The following TTLL9 variants were observed in gnomAD, a reference collection of about 807,000 sequenced individuals.
The protein encoded by TTLL9 is probable tubulin polyglutamylase TTLL9.
TTLL9 carries 47 observed loss-of-function variants against 65.6 expected under a neutral mutation model. The ratio of observed to expected loss-of-function variants is 0.72; its 90% CI spans 0.57 to 0.91. TTLL9 has a LOEUF of 0.91. TTLL9 is among the 40% of genes least tolerant of loss of function. TTLL9 has a pLI of 0.00. For missense variants in TTLL9, 537 were observed against 568.8 expected, an observed-to-expected ratio of 0.94 and a Z score of 0.57; for synonymous variants, 179 against 204.8, an observed-to-expected ratio of 0.87 and a Z score of 1.07.
At position 31,937,119 on chromosome 20, in the gene TTLL9, T is replaced by A. The variant is rs983192189; in HGVS notation, c.1005-277T>A. Among the ~76,000 whole-genome samples the A allele has an allele frequency of 1.7e-4, 20 of 119,320 alleles. 1 individual carries two copies. The South Asian group carries it at 4.6e-3, about 28-fold the overall frequency. The allele number at this position is 119,320 out of a possible 152,430, so 78.3% of individuals were successfully genotyped here. A position where few individuals can be genotyped will look rare whatever the true frequency, so the allele number is the denominator to read the frequency against. ...CTCTCCAAAAAAAAAAAAAAAAAAG[T>A]GGGAGGGGCCTGGGCACAGTGGCTC... On this transcript the variant is annotated intron_variant, in intron 12 of 14. Coordinates refer to ENST00000535842, the MANE Select transcript of TTLL9 (RefSeq NM_001008409.5).
chr20:31,914,393 C>T (rs2063702303), intron 6 of TTLL9, among the ~76,000 whole-genome samples: 1 of 152,140 alleles, frequency 6.6e-6, no homozygotes, highest in African/African-American at 2.4e-5. Flanking sequence ...TGGCGTACAA[C>T]AAGCTGTGCG....
intron 6 of TTLL9, among the ~76,000 whole-genome samples, chr20:31,919,294 G>A (rs116624414): frequency 6.6e-6 from 1 of 152,164 alleles, no homozygotes; most frequent in South Asian, 2.1e-4. Flanking sequence ...AAAATGGGCT[G>A]TTTGGCATTG....
chr20:31,915,584 G>A (rs1333763857), intron 6 of TTLL9, among the ~76,000 whole-genome samples: 3 of 152,130 alleles, frequency 2.0e-5, no homozygotes, highest in Admixed American at 6.5e-5. Context: ...GTGTATCCCC[G>A]GCACTTTTCA....
chr20:31,890,201 C>CTTTCTTTCTTTCTTTCTTTCTTTCTT (rs1555810317), intron 3 of TTLL9, among the ~76,000 whole-genome samples: 1 of 64,978 alleles, frequency 1.5e-5, no homozygotes, highest in Non-Finnish European at 3.2e-5. Context: ...TTCTTTCTTT[C>CTTTCTTTCTTTCTTTCTTTCTTTCTT]TCTTTCTTTC....
chr20:31,908,839 G>C (rs1358450527), intron 5 of TTLL9, 137 bp downstream of exon 5: 2 of 717,488 alleles, frequency 2.8e-6, no homozygotes, highest in Non-Finnish European at 4.9e-6. Flanking sequence ...CTGCGGGCTA[G>C]ACCTATGGAG....
chr20:31,890,542 G>A (rs1344256388), intron 3 of TTLL9, among the ~76,000 whole-genome samples: 1 of 152,168 alleles, frequency 6.6e-6, no homozygotes, highest in South Asian at 2.1e-4. Context: ...TGACCCTGAG[G>A]GAAGGATGTG....
chr20:31,910,086 A>G (rs573487430), intron 6 of TTLL9, among the ~76,000 whole-genome samples, 164 bp downstream of exon 6: 2 of 152,318 alleles, frequency 1.3e-5, no homozygotes, highest in South Asian at 2.1e-4. Context: ...CCCAGCAGCT[A>G]TGACTGCCAG....
At chr20:31,873,006 AC>A (rs778279611) in intron 2 of TTLL9, 1 of 518,470 alleles carries the variant, frequency 1.9e-6, no homozygotes, top group Non-Finnish European at 3.9e-6. Flanking sequence ...CCCCTCACTG[AC>A]CCTTTCCTTT....
intron 14 of TTLL9, chr20:31,940,855 A>G (rs2064192768): frequency 6.6e-6 from 1 of 152,206 alleles, no homozygotes; most frequent in Non-Finnish European, 1.5e-5. Context: ...CCGGACTCAG[A>G]AGTCCCATAA....
At chr20:31,882,228 T>C (rs779237532) in intron 2 of TTLL9, among the ~76,000 whole-genome samples, 12 of 152,170 alleles carry the variant, frequency 7.9e-5, no homozygotes, top group South Asian at 4.1e-4. Flanking sequence ...CAGCTCTGAG[T>C]TGTGCTGGGA....
At chr20:31,884,305 A>C (rs2063158167) in intron 2 of TTLL9, among the ~76,000 whole-genome samples, 1 of 152,140 alleles carries the variant, frequency 6.6e-6, no homozygotes, top group Non-Finnish European at 1.5e-5. Context: ...AGCTCACTGC[A>C]ACCTCCGCCT....
At chr20:31,937,325 C>T in intron 12 of TTLL9, 71 bp from the exon 13 acceptor site, 4 of 1,029,230 alleles carry the variant, frequency 3.9e-6, no homozygotes, top group Non-Finnish European at 4.5e-6. Context: ...ATCCATCTAG[C>T]CTCTCAGTGA....
At chr20:31,912,132 A>G (rs1338428821) in intron 6 of TTLL9, among the ~76,000 whole-genome samples, 1 of 152,164 alleles carries the variant, frequency 6.6e-6, no homozygotes, top group African/African-American at 2.4e-5. Flanking sequence ...GAATTTACAA[A>G]TTATATCAAG....
chr20:31,899,906 GCCCGCCACCACGA>G (rs1430971109), intron 4 of TTLL9, among the ~76,000 whole-genome samples: 1 of 151,948 alleles, frequency 6.6e-6, no homozygotes, highest in East Asian at 1.9e-4. Flanking sequence ...GACTACAGGT[GCCCGCCACCACGA>G]CCAGCTAATT....
chr20:31,872,710 C>T (rs886476930), intron 2 of TTLL9, among the ~76,000 whole-genome samples: 1 of 151,952 alleles, frequency 6.6e-6, no homozygotes, highest in African/African-American at 2.4e-5. Flanking sequence ...AAAAATAACA[C>T]ACACGAAAAA....
At chr20:31,914,430 T>C (rs1016088874) in intron 6 of TTLL9, among the ~76,000 whole-genome samples, 1 of 152,174 alleles carries the variant, frequency 6.6e-6, no homozygotes, top group African/African-American at 2.4e-5. Context: ...CTTAATGAGT[T>C]TGGAGATAAG....
chr20:31,925,871 A>G, intron 9 of TTLL9, 178 bp from the exon 10 acceptor site: 1 of 1,551,582 alleles, frequency 6.4e-7, no homozygotes, highest in Non-Finnish European at 8.7e-7. Context: ...CCTCTGCCTT[A>G]GTACATCCCG....
At position 31,908,612 on chromosome 20, in the gene TTLL9, C is replaced by G. The variant is rs1568788052; in HGVS notation, c.228C>G (p.Tyr76Ter). Reference protein sequence around the residue: ...EVKDEGEWDFYWCDVSWLREN... With the variant: ...EVKDEGEWDF ...CCAGCGAAGGGGAGTGGGATTTCTA[C>G]TGGTGTGACGTCAGCTGGCTCCGGG... The change falls in exon 5 of 15, where the codon TAC becomes TAG. Residue 76 changes from tyrosine (Y) to a stop codon, truncating the protein, a stop_gained. Coordinates refer to ENST00000535842, the MANE Select transcript of TTLL9 (RefSeq NM_001008409.5). LOFTEE classifies it high-confidence loss of function. The G allele has an allele frequency of 1.2e-6, 2 of 1,612,218 alleles. No homozygotes were observed. The highest frequency in any genetic ancestry group is 2.7e-5 in the African/African-American group (2 of 74,966).
At chr20:31,884,110 T>C in intron 2 of TTLL9, 1 of 511,186 alleles carries the variant, frequency 2.0e-6, no homozygotes, top group South Asian at 3.7e-5. Context: ...AAGGTCAATA[T>C]ACAAAATCAG....
Sources: gnomAD v4.1 joint callset for allele counts (sites outside exome capture counted in the v4.1 genomes callset) on GRCh38, gnomAD v4.1.1 for gene constraint, MANE v1.5 for transcripts, NCBI Gene and HGNC (gene_info 2026-07-23, HGNC 2026-07-21) for gene names.